The following SIPA1L3 variants were observed in gnomAD, a reference collection of about 807,000 sequenced individuals.
SIPA1L3 encodes signal induced proliferation associated 1 like 3, also known as signal-induced proliferation-associated 1-like protein 3.
SIPA1L3 carries 59 observed loss-of-function variants against 150.1 expected under a neutral mutation model. The ratio of observed to expected loss-of-function variants is 0.39; its 90% confidence interval spans 0.32 to 0.49. The LOEUF (loss-of-function observed/expected upper bound fraction) is 0.49, where lower values mean the gene tolerates loss of function less well. Among genes scored for constraint, SIPA1L3 ranks in the 20% least tolerant of loss-of-function variants. The probability of loss-of-function intolerance (pLI) is 0.86; values close to 1 mark genes in which losing one functional copy is unlikely to be tolerated. For missense variants in SIPA1L3, 2,211 were observed against 2,489.5 expected, an observed-to-expected ratio of 0.89 and a Z score of 2.38; for synonymous variants, 1,070 against 1,077.6, an observed-to-expected ratio of 0.99 and a Z score of 0.14.
intron 4 of SIPA1L3, among the ~76,000 whole-genome samples, chr19:38,096,570 C>T (rs1489134107): frequency 6.6e-6 from 1 of 152,048 alleles, no homozygotes; most frequent in African/African-American, 2.4e-5. Flanking sequence ...CTTTAAACCA[C>T]AGCCCCAAGT....
chr19:37,914,504 G>A (rs2046400608), intron 1 of SIPA1L3, among the ~76,000 whole-genome samples: 1 of 151,844 alleles, frequency 6.6e-6, no homozygotes, highest in Non-Finnish European at 1.5e-5. Context: ...CAAGGAGCTG[G>A]GATTACAGGA....
At chr19:38,054,225 G>C (rs1246326029) in intron 2 of SIPA1L3, among the ~76,000 whole-genome samples, 2 of 152,140 alleles carry the variant, frequency 1.3e-5, no homozygotes, top group Non-Finnish European at 2.9e-5. Flanking sequence ...ATGCCACAGG[G>C]AGGCCACTCC....
rs1043071375 is a variant in SIPA1L3, at chr19:37,985,198, CT to C, written c.-378-43876del. On this transcript the variant is annotated intron_variant, in intron 1 of 21. Transcript: ENST00000222345. The stretch of plus-strand genomic sequence containing the variant: ...TATCTCTTAAAAAAATTGTTTTTTT[CT>C]TTTTTTTTTTTTTTGAGTGTGGGTC... 6.0e-3 allele frequency among the ~76,000 whole-genome samples: 851 copies of C among 141,096 alleles called. 1 individual carries two copies. The highest frequency in any genetic ancestry group is 0.011 in the African/African-American group (408 of 38,532). 92.6% of individuals were successfully genotyped at this position (141,096 alleles called of 152,430 possible). A position where few individuals can be genotyped will look rare whatever the true frequency, so the allele number is the denominator to read the frequency against.
At chr19:38,142,536 T>A (rs1297629277) in intron 11 of SIPA1L3, 37 bp from the exon 12 acceptor site, 1 of 1,577,102 alleles carries the variant, frequency 6.3e-7, no homozygotes, top group Admixed American at 1.7e-5. Flanking sequence ...ACCCTCCTAC[T>A]CACCCTCTGC....
intron 1 of SIPA1L3, among the ~76,000 whole-genome samples, chr19:38,003,674 C>T (rs1414901183): frequency 2.6e-5 from 4 of 152,202 alleles, no homozygotes; most frequent in African/African-American, 9.7e-5. Flanking sequence ...GCCCAGGAGC[C>T]TCCTCCCGAG....
chr19:38,065,650 G>A (rs1007795219), intron 2 of SIPA1L3, among the ~76,000 whole-genome samples: 8 of 151,614 alleles, frequency 5.3e-5, no homozygotes, highest in Non-Finnish European at 1.2e-4. Context: ...TCGAACTCCC[G>A]ACCTCAGGTG....
At chr19:37,981,821 T>C (rs1387372013) in intron 1 of SIPA1L3, among the ~76,000 whole-genome samples, 1 of 152,196 alleles carries the variant, frequency 6.6e-6, no homozygotes, top group East Asian at 1.9e-4. Context: ...ATTGTCTCTT[T>C]AGTCCCTTTA....
At chr19:37,937,741 CAAAAAAAAAAA>C (rs34881450) in intron 1 of SIPA1L3, among the ~76,000 whole-genome samples, 1 of 18,676 alleles carries the variant, frequency 5.4e-5, no homozygotes, top group East Asian at 1.7e-3. Flanking sequence ...AACCCTGTCT[CAAAAAAAAAAA>C]AAAAAAAAAA....
At chr19:37,954,767 C>T (rs896490255) in intron 1 of SIPA1L3, among the ~76,000 whole-genome samples, 1 of 151,976 alleles carries the variant, frequency 6.6e-6, no homozygotes, top group Non-Finnish European at 1.5e-5. Flanking sequence ...TATATACACA[C>T]GTGCCATAAA....
intron 6 of SIPA1L3, among the ~76,000 whole-genome samples, chr19:38,103,355 AATGG>A (rs1555787063): frequency 1.3e-5 from 2 of 151,018 alleles, no homozygotes; most frequent in Non-Finnish European, 3.0e-5. Context: ...GGCTGGGCGC[AATGG>A]CCCACGCCTG....
rs1458866116 is a variant in SIPA1L3 at position 38,204,134 on chromosome 19, C to A, written c.5128C>A (p.Pro1710Thr). The A allele has an allele frequency of 1.3e-6, 2 of 1,557,410 alleles. No individual in the cohort carries two copies. Among genetic ancestry groups the A allele is most frequent in the Admixed American group, 1.9e-5 (1 of 52,650 alleles). ...PRTTPTMSEE[P>T]PLDLTGKVYQ... The stretch of plus-strand genomic sequence containing the variant: ...TGTCCCTGGTTTTTCCAGCGAGGAG[C>A]CACCCCTGGATCTGACAGGCAAGGT... The change falls in exon 21 of 22, where the codon CCA (proline) becomes ACA (threonine). Residue 1710 changes from proline to threonine, a missense_variant. By Grantham distance (38) the Pro-to-Thr change is conservative. Around this residue, in one of 5 missense-constraint regions of SIPA1L3, gnomAD observed 63 missense variants for 106.1 expected, o/e 0.59. Coordinates refer to ENST00000222345, the MANE Select transcript of SIPA1L3 (RefSeq NM_015073.3).
In SIPA1L3 at chr19:37,941,071, T is replaced by TACACACACACACAC. The variant is rs869026715; in HGVS notation, c.-379+33715_-379+33728dup. Among the ~76,000 whole-genome samples, 186 of 133,166 alleles carry TACACACACACACAC rather than the reference T, an allele frequency of 1.4e-3. 1 individual carries two copies. Among genetic ancestry groups the TACACACACACACAC allele is most frequent in the East Asian group, 5.3e-3 (24 of 4,570 alleles). The allele number at this position is 133,166 out of a possible 152,430, so 87.4% of individuals were successfully genotyped here. A position where few individuals can be genotyped will look rare whatever the true frequency, so the allele number is the denominator to read the frequency against. ...GTAGGTGAATTTCAGGTTTGAGATGTACACACACACACACATACACACACA... is the reference window on the plus strand; with the variant it reads ...GTAGGTGAATTTCAGGTTTGAGATGTACACACACACACACACACACACACACACATACACACACA... On this transcript the variant is annotated intron_variant, in intron 1 of 21. Transcript: ENST00000222345.
At chr19:37,950,472 G>C (rs2046753050) in intron 1 of SIPA1L3, among the ~76,000 whole-genome samples, 2 of 152,156 alleles carry the variant, frequency 1.3e-5, no homozygotes, top group Non-Finnish European at 2.9e-5. Context: ...TGCGTAGTAA[G>C]GACAAGAAAG....
At position 38,101,135 on chromosome 19, in the gene SIPA1L3, C is replaced by T. The variant is rs548742696; in HGVS notation, c.1938C>T (p.Ala646=). ...SEEEMYNNEE[A]GPAFEEFLSL... is the part of the protein sequence containing the mutation. ...AGGAGATGTACAACAATGAGGAGGC[C>T]GGCCCCGCCTTTGAGGAGTTCCTCT... Residue 646 remains alanine (A), a synonymous_variant, in exon 6 of 22, where the codon GCC becomes GCT. Transcript: ENST00000222345. 19 of 1,609,118 alleles carry T rather than the reference C, an allele frequency of 1.2e-5. No individual in the cohort carries two copies. The highest frequency in any genetic ancestry group is 6.7e-5 in the East Asian group (3 of 44,650).
chr19:37,950,981 T>A (rs2046758648), intron 1 of SIPA1L3, among the ~76,000 whole-genome samples: 2 of 152,258 alleles, frequency 1.3e-5, no homozygotes, highest in Admixed American at 1.3e-4. Context: ...GAAGATCATC[T>A]GCTGGTTTGG....
chr19:38,063,957 C>T (rs749631186), intron 2 of SIPA1L3, among the ~76,000 whole-genome samples: 5 of 152,200 alleles, frequency 3.3e-5, no homozygotes, highest in African/African-American at 1.2e-4. Context: ...AGTTAAGTAC[C>T]CAGAAGGGGC....
rs764514299 is a variant in SIPA1L3 at position 38,082,568 on chromosome 19, G to C, written c.1003G>C (p.Val335Leu). ...CCCCCCGGAAGCCAGCAGGCCGTGG[G>C]TGTGTCAGAAGAGCTTCGCCCACTT... ...RSPPEASRPW[V>L]CQKSFAHFDV... Residue 335 changes from valine (V) to leucine (L), a missense_variant, in exon 3 of 22, where the codon GTG becomes CTG. Physicochemically the swap from Val to Leu is conservative, Grantham distance 32. This residue lies in a region of SIPA1L3 where 587 missense variants were observed against 534.5 expected (regional missense o/e 1.10). Coordinates refer to ENST00000222345, the MANE Select transcript of SIPA1L3 (RefSeq NM_015073.3). 3.1e-6 allele frequency: 5 copies of C among 1,604,150 alleles called. No individual in the cohort carries two copies. The highest frequency in any genetic ancestry group is 4.2e-6 in the Non-Finnish European group (5 of 1,178,806).
chr19:38,118,793 CAAAGTGCTGGGA>C (rs1568559289), intron 8 of SIPA1L3, among the ~76,000 whole-genome samples: 1 of 152,126 alleles, frequency 6.6e-6, no homozygotes, highest in Non-Finnish European at 1.5e-5. Context: ...CTCAGCCTCC[CAAAGTGCTGGGA>C]TTACAGGTAT....
chr19:38,015,696 C>A (rs1475911440), intron 1 of SIPA1L3, among the ~76,000 whole-genome samples: 1 of 137,966 alleles, frequency 7.2e-6, no homozygotes, highest in Non-Finnish European at 1.5e-5. Flanking sequence ...AGCTCTCCAG[C>A]CTGGGTGACA....
Sources: allele counts gnomAD v4.1 joint callset (sites outside exome capture counted in the v4.1 genomes callset), GRCh38; gene constraint gnomAD v4.1.1; regional missense constraint gnomAD v4.1.1; transcripts MANE v1.5; gene names NCBI Gene and HGNC (gene_info 2026-07-23, HGNC 2026-07-21).